The following A2M variants were observed in gnomAD, a reference collection of about 807,000 sequenced individuals.
The protein encoded by A2M is alpha-2-macroglobulin.
A neutral mutation model predicts 183.9 loss-of-function variants in A2M; 128 were observed. The ratio of observed to expected loss-of-function variants is 0.70; its 90% confidence interval spans 0.60 to 0.81. The LOEUF (loss-of-function observed/expected upper bound fraction) is 0.81, where lower values mean the gene tolerates loss of function less well. Among genes scored for constraint, A2M ranks in the 30% least tolerant of loss-of-function variants. A2M has a pLI of 0.00. For synonymous variants in A2M, 592 were observed against 670.8 expected, an observed-to-expected ratio of 0.88 and a Z score of 1.81; for missense variants, 1,495 against 1,787.6, an observed-to-expected ratio of 0.84 and a Z score of 2.95.
chr12:9,095,519 C>A lies in A2M; in HGVS notation c.2013+20G>T, dbSNP rs747423238. 4 of 1,602,872 alleles carry A rather than the reference C, an allele frequency of 2.5e-6. No homozygotes were observed. The Admixed American group carries it at 6.7e-5, about 27-fold the overall frequency. On this transcript the variant is annotated intron_variant, in intron 16 of 35. Transcript: ENST00000318602. ...TTTAAGAAGCTTAAGATCAGACCATCTGCAACATAAGGAGTTTACCTCTAG... is the reference window on the plus strand; with the variant it reads ...TTTAAGAAGCTTAAGATCAGACCATATGCAACATAAGGAGTTTACCTCTAG...
intron 28 of A2M, among the ~76,000 whole-genome samples, chr12:9,075,934 T>G (rs915860551): frequency 2.6e-5 from 4 of 152,230 alleles, no homozygotes; most frequent in Non-Finnish European, 4.4e-5. Flanking sequence ...AAAATATTTC[T>G]CAATACATTT....
At chr12:9,083,439 T>G (rs1302550019) in intron 22 of A2M, among the ~76,000 whole-genome samples, 2 of 148,876 alleles carry the variant, frequency 1.3e-5, no homozygotes, top group Admixed American at 1.3e-4. Flanking sequence ...TATTGTAAAA[T>G]AAAAAATAAA....
At chr12:9,099,718 T>C (rs148275910) in intron 13 of A2M, among the ~76,000 whole-genome samples, 195 bp from the exon 14 acceptor site, 2 of 152,346 alleles carry the variant, frequency 1.3e-5, no homozygotes, top group East Asian at 3.9e-4. Flanking sequence ...TCACCAGCTT[T>C]AAGCTTCAGC....
chr12:9,088,371 A>T (rs1949110207), intron 22 of A2M, among the ~76,000 whole-genome samples: 2 of 152,272 alleles, frequency 1.3e-5, no homozygotes, highest in South Asian at 4.1e-4. Context: ...TACACTTAAG[A>T]GATACATCAA....
chr12:9,068,654 TAATA>T (rs1948467087), intron 34 of A2M, 82 bp downstream of exon 34: 14 of 1,070,530 alleles, frequency 1.3e-5, no homozygotes, highest in Non-Finnish European at 2.0e-5. Flanking sequence ...TTACTTAATG[TAATA>T]AATAACCCCA....
chr12:9,085,651 A>G (rs746946232), intron 22 of A2M, among the ~76,000 whole-genome samples: 1 of 152,220 alleles, frequency 6.6e-6, no homozygotes, highest in Non-Finnish European at 1.5e-5. Flanking sequence ...GGAAAATAAT[A>G]AAGATTAGAG....
At chr12:9,107,942 A>T (rs1938429315) in intron 7 of A2M, among the ~76,000 whole-genome samples, 1 of 151,934 alleles carries the variant, frequency 6.6e-6, no homozygotes, top group South Asian at 2.1e-4. Context: ...TTAAAAGAGA[A>T]ACAATACCAG....
Position 9,091,242 on chromosome 12 carries a change from G to A in A2M, c.2428C>T (p.Leu810Phe), listed in dbSNP as rs1358734234. 3.1e-6 allele frequency: 5 copies of A among 1,614,192 alleles called. No individual in the cohort carries two copies. The highest frequency in any genetic ancestry group is 4.2e-6 in the Non-Finnish European group (5 of 1,180,036). ...AGGTAGTTTAGGACCGTGGCCTTGA[G>A]TGTGAAGGCCTCTCCACGAATCACA... ...YSVIRGEAFT[L>F]KATVLNYLPK... The change falls in exon 19 of 36, where the codon CTC (leucine) becomes TTC (phenylalanine). Residue 810 changes from leucine to phenylalanine, a missense_variant. By Grantham distance (22) the Leu-to-Phe change is conservative. Coordinates refer to ENST00000318602, the MANE Select transcript of A2M (RefSeq NM_000014.6).
chr12:9,081,307 T>G (rs1380468418), intron 22 of A2M, among the ~76,000 whole-genome samples: 1 of 152,144 alleles, frequency 6.6e-6, no homozygotes, highest in East Asian at 1.9e-4. Flanking sequence ...TGGCAAAAAT[T>G]AAAATTAAAA....
At position 9,095,042 on chromosome 12, in the gene A2M, G is replaced by A; in HGVS notation, c.2056C>T (p.Pro686Ser). 1 of 1,596,616 alleles carries A rather than the reference G, an allele frequency of 6.3e-7. No individual in the cohort carries two copies. The highest frequency in any genetic ancestry group is 1.1e-5 in the South Asian group (1 of 87,076). The change falls in exon 17 of 36, where the codon CCC becomes TCC. Residue 686 changes from proline (P) to serine (S), a missense_variant. Physicochemically the swap from Pro to Ser is moderately conservative, Grantham distance 74. Transcript: ENST00000318602. ...KAFTNSKIRK[P>S]KMCPQLQQYE... is the part of the protein sequence containing the mutation. ...TGTTGAAGCTGTGGACACATTTTGG[G>A]TTTACGAATCTTTGAGTTGGTGAAT...
At chr12:9,097,632 CTTTTTTTT>C (rs34844537) in intron 15 of A2M, among the ~76,000 whole-genome samples, 6 of 127,112 alleles carry the variant, frequency 4.7e-5, no homozygotes, top group East Asian at 2.3e-4. Context: ...TGATGTAATT[CTTTTTTTT>C]TTTTTTTTTT....
At chr12:9,091,147 C>A in intron 19 of A2M, 54 bp downstream of exon 19, 3 of 1,577,562 alleles carry the variant, frequency 1.9e-6, no homozygotes, top group African/African-American at 1.3e-5. Flanking sequence ...AGGAATGCAA[C>A]TTTTAATTTA....
Position 9,077,423 on chromosome 12 carries a change from G to T in A2M, c.3277-3C>A, listed in dbSNP as rs112842849. 6.2e-7 allele frequency: 1 copy of T among 1,611,172 alleles called. No individual in the cohort carries two copies. The highest frequency in any genetic ancestry group is 1.1e-5 in the South Asian group (1 of 90,554). On this transcript the variant is annotated splice_polypyrimidine_tract_variant and splice_region_variant and intron_variant, in intron 26 of 35. Transcript: ENST00000318602. ...GTCACTTCATCTTCTACTCCTCCCT[G>T]TGAATACGAGAGAGAGATCTGAATA...
rs190874780 is a variant in A2M at position 9,092,673 on chromosome 12, T to C, written c.2240+792A>G. Among the ~76,000 whole-genome samples the C allele has an allele frequency of 1.0e-3, 157 of 152,320 alleles. 1 individual carries two copies. The highest frequency in any genetic ancestry group is 3.6e-3 in the African/African-American group (151 of 41,566). On this transcript the variant is annotated intron_variant, in intron 18 of 35. Coordinates refer to ENST00000318602, the MANE Select transcript of A2M (RefSeq NM_000014.6). ...TCACTCCCCTTGGTGCAAATGTACA[T>C]TGCCACAGCCATTATGGAAAACAGT...
At chr12:9,080,584 A>G (rs1453761082) in intron 22 of A2M, among the ~76,000 whole-genome samples, 1 of 152,228 alleles carries the variant, frequency 6.6e-6, no homozygotes, top group Non-Finnish European at 1.5e-5. Context: ...ATAAGTATAC[A>G]TAAGTAAAAT....
At chr12:9,114,890 C>G (rs1300409626) in intron 1 of A2M, among the ~76,000 whole-genome samples, 1 of 152,006 alleles carries the variant, frequency 6.6e-6, no homozygotes, top group Non-Finnish European at 1.5e-5. Context: ...AAAATAAATA[C>G]AAAGTATGAT....
Position 9,113,380 on chromosome 12 carries a change from G to A in A2M, c.250C>T (p.Leu84Phe), listed in dbSNP as rs771208013. 6.2e-7 allele frequency: 1 copy of A among 1,613,530 alleles called. No homozygotes were observed. The highest frequency in any genetic ancestry group is 1.7e-5 in the Admixed American group (1 of 59,930). Residue 84 changes from leucine to phenylalanine, a missense_variant, in exon 2 of 36, where the codon CTC (leucine) becomes TTC (phenylalanine). By Grantham distance (22) the Leu-to-Phe change is conservative (BLOSUM62 0). Transcript: ENST00000318602. ...CTCACAGCGAAGGCGACACAGTGGA[G>A]TACGTCATTCTCCGCCTCCAGGTCA... ...FTDLEAENDVLHCVAFAVPKS... is the reference protein window; with the variant it reads ...FTDLEAENDVFHCVAFAVPKS...
intron 22 of A2M, among the ~76,000 whole-genome samples, chr12:9,084,839 T>C (rs922686918): frequency 3.3e-5 from 5 of 152,110 alleles, no homozygotes; most frequent in African/African-American, 1.2e-4. Flanking sequence ...AGGAAAAAGA[T>C]GTTCTAGGTA....
chr12:9,091,453 A>C (rs1402440046), intron 18 of A2M, 24 bp from the exon 19 acceptor site: 2 of 1,612,214 alleles, frequency 1.2e-6, no homozygotes, highest in African/African-American at 2.7e-5. Context: ...TAAGTGAAGA[A>C]CAGAAAGTAA....
Sources: allele counts gnomAD v4.1 joint callset (sites outside exome capture counted in the v4.1 genomes callset), GRCh38; gene constraint gnomAD v4.1.1; transcripts MANE v1.5; gene names NCBI Gene and HGNC (gene_info 2026-07-23, HGNC 2026-07-21).